SCYL2: variants seen among roughly 807,000 people sequenced by gnomAD.
SCYL2 encodes SCY1 like pseudokinase 2.
In SCYL2, 36 loss-of-function variants were observed where a neutral mutation model predicts 100.4. That is an observed-to-expected ratio of 0.36 (90% CI 0.27 to 0.47). The LOEUF is 0.47. SCYL2 is among the 20% of genes least tolerant of loss of function. The pLI, the probability that SCYL2 is intolerant of heterozygous loss-of-function variation, is 1.00. For synonymous variants in SCYL2, 330 were observed against 359.2 expected (o/e 0.92, Z 0.92); for missense variants, 902 against 1,083.9 (o/e 0.83, Z 2.36).
intron 1 of SCYL2, among the ~76,000 whole-genome samples, chr12:100,269,331 T>C (rs2096284617): frequency 6.6e-6 from 1 of 152,040 alleles, no homozygotes; most frequent in Non-Finnish European, 1.5e-5. Context: ...TCCTTTCTTT[T>C]TTTAGCCAAT....
intron 11 of SCYL2, among the ~76,000 whole-genome samples, chr12:100,324,328 G>T (rs76102310): frequency 1.3e-5 from 2 of 151,978 alleles, no homozygotes; most frequent in East Asian, 3.9e-4. Context: ...AAGTAATATT[G>T]AATGCTGTCT....
Position 100,291,494 on chromosome 12 carries a change from T to G in SCYL2, c.178-9T>G. 2.0e-6 allele frequency: 3 copies of G among 1,490,548 alleles called. No individual in the cohort carries two copies. The highest frequency in any genetic ancestry group is 2.7e-6 in the Non-Finnish European group (3 of 1,102,540). The allele number at this position is 1,490,548 out of a possible 1,614,324, so 92.3% of individuals were successfully genotyped here. On this transcript the variant is annotated splice_polypyrimidine_tract_variant and intron_variant, in intron 2 of 17. Coordinates refer to ENST00000360820, the MANE Select transcript of SCYL2 (RefSeq NM_017988.6). Reference sequence around the variant, plus strand: ...TTCTTGACTAAAATTACACAATTCTTTTATTTAGGAAGTGGCAGTTTTTGT... The same window carrying G: ...TTCTTGACTAAAATTACACAATTCTGTTATTTAGGAAGTGGCAGTTTTTGT...
At chr12:100,271,421 C>T (rs1029293344) in intron 1 of SCYL2, among the ~76,000 whole-genome samples, 5 of 152,032 alleles carry the variant, frequency 3.3e-5, no homozygotes, top group East Asian at 1.9e-4. Flanking sequence ...GAATGTAATT[C>T]TTGAATGTAA....
chr12:100,318,144 T>C lies in SCYL2; in HGVS notation c.1395+219T>C, dbSNP rs572913083. On this transcript the variant is annotated intron_variant, in intron 10 of 17. Coordinates refer to ENST00000360820, the MANE Select transcript of SCYL2 (RefSeq NM_017988.6). ...TTGTAAGTGAAAAAAGTAATCAGTCTGTGTACATAATACCTGCATTATGAG... is the reference window on the plus strand; with the variant it reads ...TTGTAAGTGAAAAAAGTAATCAGTCCGTGTACATAATACCTGCATTATGAG... 5.0e-4 allele frequency among the ~76,000 whole-genome samples: 76 copies of C among 152,290 alleles called. 1 individual carries two copies. The highest frequency in any genetic ancestry group is 1.8e-3 in the African/African-American group (75 of 41,558).
Position 100,312,622 on chromosome 12 carries a change from T to C in SCYL2, c.821T>C (p.Ile274Thr), listed in dbSNP as rs1164703197. 1.2e-6 allele frequency: 2 copies of C among 1,612,200 alleles called. No homozygotes were observed. The highest frequency in any genetic ancestry group is 1.3e-5 in the African/African-American group (1 of 74,872). The change falls in exon 6 of 18, where the codon ATT (isoleucine) becomes ACT (threonine). Residue 274 changes from isoleucine to threonine, a missense_variant. Ile to Thr is a moderately conservative substitution (Grantham distance 89). Transcript: ENST00000360820. ...ATATTTGAAGTCAACAAGCAAGATA[T>C]TTACAAGAGTTTCAGTAGGCAGTTG... ...KPIFEVNKQD[I>T]YKSFSRQLDQ... is the part of the protein sequence containing the mutation.
intron 1 of SCYL2, among the ~76,000 whole-genome samples, chr12:100,271,257 C>G (rs1190956305): frequency 2.0e-5 from 1 of 50,414 alleles, no homozygotes; most frequent in Non-Finnish European, 3.6e-5. Flanking sequence ...CCTTGCAGAG[C>G]AGCAAAAAAA....
At chr12:100,317,637 T>C in intron 9 of SCYL2, 166 bp from the exon 10 acceptor site, 1 of 1,395,926 alleles carries the variant, frequency 7.2e-7, no homozygotes, top group Non-Finnish European at 9.3e-7. Flanking sequence ...CCTCCAGAAA[T>C]GTAAGAGACT....
intron 4 of SCYL2, among the ~76,000 whole-genome samples, chr12:100,303,077 C>T (rs2096329741): frequency 6.6e-6 from 1 of 152,138 alleles, no homozygotes; most frequent in South Asian, 2.1e-4. Context: ...TCACGAAGTT[C>T]TCATGCTGTG....
intron 2 of SCYL2, among the ~76,000 whole-genome samples, chr12:100,289,039 G>A (rs1164555289): frequency 6.6e-6 from 1 of 152,074 alleles, no homozygotes; most frequent in African/African-American, 2.4e-5. Flanking sequence ...TTTATAAAAT[G>A]TGTTATAGCA....
At chr12:100,335,787 A>C (rs1312632163) in intron 15 of SCYL2, 24 bp from the exon 16 acceptor site, 2 of 1,604,196 alleles carry the variant, frequency 1.2e-6, no homozygotes, top group Non-Finnish European at 1.7e-6. Context: ...ACTTATTTAA[A>C]TTATTGACAT....
rs746111988 is a variant in SCYL2, at chr12:100,323,625, C to T, written c.1496C>T (p.Thr499Ile). The change falls in exon 11 of 18, where the codon ACA (threonine) becomes ATA (isoleucine). Residue 499 changes from threonine to isoleucine, a missense_variant. Coordinates refer to ENST00000360820, the MANE Select transcript of SCYL2 (RefSeq NM_017988.6). ...IPRIKNACLQ[T>I]SSLAVRVNSL... The stretch of plus-strand genomic sequence containing the variant: ...AGAATTAAAAATGCTTGTCTACAAA[C>T]ATCTTCCCTTGCGGTAAGTAATTGC... The T allele has an allele frequency of 6.3e-7, 1 of 1,577,938 alleles. No homozygotes were observed. Among genetic ancestry groups the T allele is most frequent in the Non-Finnish European group, 8.7e-7 (1 of 1,153,802 alleles).
intron 1 of SCYL2, among the ~76,000 whole-genome samples, chr12:100,273,714 A>T (rs963405074): frequency 3.9e-5 from 6 of 152,164 alleles, no homozygotes; most frequent in African/African-American, 1.4e-4. Context: ...TGGTATTATA[A>T]TCCCTTCTGG....
intron 17 of SCYL2, 57 bp downstream of exon 17, chr12:100,337,563 G>A: frequency 8.0e-6 from 12 of 1,500,938 alleles, no homozygotes; most frequent in Non-Finnish European, 1.1e-5. Flanking sequence ...GGAGTAAGGT[G>A]GTATAGAACT....
At chr12:100,324,798 A>C (rs988487373) in intron 11 of SCYL2, among the ~76,000 whole-genome samples, 3 of 152,238 alleles carry the variant, frequency 2.0e-5, no homozygotes, top group Non-Finnish European at 4.4e-5. Context: ...TCAATTTTAC[A>C]ATTGAATTTT....
At chr12:100,336,023 A>T (rs1252789874) in intron 16 of SCYL2, 117 bp downstream of exon 16, 3 of 732,676 alleles carry the variant, frequency 4.1e-6, no homozygotes, top group Non-Finnish European at 6.9e-6. Context: ...ATTTGTAATT[A>T]TCTTTCTGAA....
intron 11 of SCYL2, among the ~76,000 whole-genome samples, chr12:100,325,662 T>C: frequency 6.6e-6 from 1 of 152,174 alleles, no homozygotes. Flanking sequence ...GGTAAAATCC[T>C]CCAAGAGCTA....
chr12:100,313,571 G>T, intron 7 of SCYL2, 33 bp downstream of exon 7: 1 of 1,183,690 alleles, frequency 8.4e-7, no homozygotes, highest in South Asian at 1.3e-5. Flanking sequence ...CTAAGATGGA[G>T]GAACAAAAAA....
chr12:100,332,749 C>G (rs1171480944), intron 13 of SCYL2, among the ~76,000 whole-genome samples: 1 of 148,590 alleles, frequency 6.7e-6, no homozygotes, highest in African/African-American at 2.5e-5. Context: ...GGGTCTCACT[C>G]TGTCTCCCAG....
At position 100,338,797 on chromosome 12, in the gene SCYL2, G is replaced by A. The variant is rs749957610; in HGVS notation, c.2415G>A (p.Lys805=). Residue 805 remains lysine (K), a synonymous_variant, in exon 18 of 18, where the codon AAG becomes AAA. Coordinates refer to ENST00000360820, the MANE Select transcript of SCYL2 (RefSeq NM_017988.6). ...GTCCAAGCACAGTTGGAGTGACCAA[G>A]ATGACTCTGGGAACACCTCCCACTT... ...YSSPSTVGVT[K]MTLGTPPTLP... The A allele has an allele frequency of 7.4e-6, 12 of 1,613,996 alleles. No homozygotes were observed. The highest frequency in any genetic ancestry group is 5.1e-6 in the Non-Finnish European group (6 of 1,179,994).
Sources: gnomAD v4.1 joint callset for allele counts (sites outside exome capture counted in the v4.1 genomes callset) on GRCh38, gnomAD v4.1.1 for gene constraint, MANE v1.5 for transcripts, NCBI Gene and HGNC (gene_info 2026-07-23, HGNC 2026-07-21) for gene names.